PCDHGA3: variants seen among roughly 807,000 people sequenced by gnomAD.
The protein encoded by PCDHGA3 is protocadherin gamma subfamily A, 3.
PCDHGA3 carries 40 observed loss-of-function variants against 58.5 expected under a neutral mutation model. The observed-to-expected ratio is 0.68, with a 90% CI of 0.53 to 0.89. PCDHGA3 has a LOEUF of 0.89. Ranked by LOEUF, PCDHGA3 falls within the 40% of genes least tolerant of loss-of-function variation. The pLI, the probability that PCDHGA3 is intolerant of heterozygous loss-of-function variation, is 0.00. For missense variants in PCDHGA3, 1,223 were observed against 1,195.9 expected (o/e 1.02, Z -0.33); for synonymous variants, 530 against 525.7 (o/e 1.01, Z -0.11).
At position 141,403,374 on chromosome 5, in the gene PCDHGA3, A is replaced by G. The variant is rs1448394920; in HGVS notation, c.2424+56917A>G. 3.1e-6 allele frequency: 5 copies of G among 1,613,936 alleles called. No individual in the cohort carries two copies. The African/African-American group carries it at 6.7e-5, about 22-fold the overall frequency. ...TTCCAGGCCGAAAGTCTGGAAGTAA[A>G]AATTAACGAAATCGCGGTTCCTGGA... On this transcript the variant is annotated intron_variant, in intron 1 of 3. Transcript: ENST00000253812.
intron 1 of PCDHGA3, chr5:141,393,441 C>G: frequency 6.2e-7 from 1 of 1,614,070 alleles, no homozygotes; most frequent in African/African-American, 1.3e-5. Flanking sequence ...TGCTCACCAC[C>G]TGGTCCTCAC....
intron 1 of PCDHGA3, among the ~76,000 whole-genome samples, chr5:141,488,697 A>T (rs1337725245): frequency 6.6e-6 from 1 of 152,162 alleles, no homozygotes; most frequent in Non-Finnish European, 1.5e-5. Context: ...GAAGGACAAG[A>T]TTTTGCTGGT....
rs529957472 is a variant in PCDHGA3, at chr5:141,345,854, C to T, written c.1821C>T (p.Arg607=). 1.1e-5 allele frequency: 18 copies of T among 1,613,390 alleles called. No homozygotes were observed. Among genetic ancestry groups the T allele is most frequent in the Middle Eastern group, 1.7e-4 (1 of 5,764 alleles). The change falls in exon 1 of 4, where the codon CGC becomes CGT. Residue 607 remains arginine, a synonymous_variant. Transcript: ENST00000253812. The part of the protein sequence containing the change: ...DSGQNAWLSY[R]LLKASEPGLF... ...GCCAGAACGCCTGGCTGTCCTACCG[C>T]CTGCTCAAGGCCAGCGAGCCGGGAC...
rs769796337 is a variant in PCDHGA3 at position 141,352,074 on chromosome 5, T to C, written c.2424+5617T>C. ...AACGCTTGGCTGTCCTACCACGTGC[T>C]GCAGGCCAGCGAGCCCGGGCTCTTC... On this transcript the variant is annotated intron_variant, in intron 1 of 3. Transcript: ENST00000253812. The C allele has an allele frequency of 1.1e-4, 169 of 1,605,162 alleles. No homozygotes were observed. Among genetic ancestry groups the C allele is most frequent in the Non-Finnish European group, 1.4e-4 (166 of 1,176,758 alleles).
chr5:141,351,266 G>A (rs1222995612), intron 1 of PCDHGA3: 26 of 1,613,812 alleles, frequency 1.6e-5, no homozygotes, highest in Non-Finnish European at 2.0e-5. Flanking sequence ...AATTGTTGAC[G>A]AGAATGACAA....
At chr5:141,427,115 C>G (rs1276437779) in intron 1 of PCDHGA3, 5 of 457,520 alleles carry the variant, frequency 1.1e-5, no homozygotes, top group African/African-American at 1.0e-4. Flanking sequence ...AGATCACCTA[C>G]TCTTTCAAAT....
Position 141,352,519 on chromosome 5 carries a change from C to A in PCDHGA3, c.2424+6062C>A, listed in dbSNP as rs1338121700. 1.9e-6 allele frequency: 3 copies of A among 1,613,892 alleles called. No individual in the cohort carries two copies. The African/African-American group carries it at 4.0e-5, about 22-fold the overall frequency. ...CCTATTCCTACAATCTATGTATTGCCTCTCATTCTGCAAAGACAGAGTTTA... is the reference window on the plus strand; with the variant it reads ...CCTATTCCTACAATCTATGTATTGCATCTCATTCTGCAAAGACAGAGTTTA... On this transcript the variant is annotated intron_variant, in intron 1 of 3. Coordinates refer to ENST00000253812, the MANE Select transcript of PCDHGA3 (RefSeq NM_018916.4).
intron 1 of PCDHGA3, chr5:141,422,094 T>C: frequency 1.2e-6 from 2 of 1,610,648 alleles, no homozygotes; most frequent in Non-Finnish European, 1.7e-6. Flanking sequence ...AAAGCAAGGC[T>C]TCTGAAATAT....
chr5:141,474,180 A>G (rs763042503), intron 1 of PCDHGA3, among the ~76,000 whole-genome samples: 4 of 152,240 alleles, frequency 2.6e-5, no homozygotes, highest in Non-Finnish European at 4.4e-5. Context: ...TGAGAAAACT[A>G]CTTACATTTT....
intron 1 of PCDHGA3, chr5:141,408,119 C>T (rs1271219465): frequency 6.8e-7 from 1 of 1,474,944 alleles, no homozygotes; most frequent in African/African-American, 1.4e-5. Flanking sequence ...CTCCTCCTGT[C>T]CTGGGCCGAA....
At chr5:141,438,018 G>A (rs959672278) in intron 1 of PCDHGA3, among the ~76,000 whole-genome samples, 1 of 152,082 alleles carries the variant, frequency 6.6e-6, no homozygotes, top group African/African-American at 2.4e-5. Context: ...TGAGATTACA[G>A]GTGTGAGCCA....
chr5:141,384,638 G>T (rs1003169745), intron 1 of PCDHGA3: 38 of 1,614,070 alleles, frequency 2.4e-5, no homozygotes, highest in Non-Finnish European at 2.6e-5. Context: ...CTGGCACCCC[G>T]CTCCGCAGAG....
rs191165530 is a variant in PCDHGA3 at position 141,439,134 on chromosome 5, A to T, written c.2425-55673A>T. On this transcript the variant is annotated intron_variant, in intron 1 of 3. Coordinates refer to ENST00000253812, the MANE Select transcript of PCDHGA3 (RefSeq NM_018916.4). The stretch of plus-strand genomic sequence containing the variant: ...CTTGAACCCGGGAGACAGAGGTTGC[A>T]GTGAGCTGAGATCACGCCACTGCAC... Among the ~76,000 whole-genome samples the T allele has an allele frequency of 2.4e-3, 368 of 151,344 alleles. 1 individual carries two copies. Among genetic ancestry groups the T allele is most frequent in the African/African-American group, 8.5e-3 (349 of 41,216 alleles).
At chr5:141,399,681 C>G (rs2093865042) in intron 1 of PCDHGA3, 1 of 1,613,408 alleles carries the variant, frequency 6.2e-7, no homozygotes, top group South Asian at 1.1e-5. Flanking sequence ...CCTTTGACTA[C>G]GAGCAGCTGC....
intron 1 of PCDHGA3, chr5:141,378,924 G>T (rs1426450881): frequency 6.6e-6 from 1 of 152,202 alleles, no homozygotes; most frequent in Non-Finnish European, 1.5e-5. Flanking sequence ...TCAAAAGTAA[G>T]TTGATGGCCC....
chr5:141,371,704 C>A, intron 1 of PCDHGA3: 1 of 1,614,030 alleles, frequency 6.2e-7, no homozygotes, highest in Non-Finnish European at 8.5e-7. Context: ...TCCAGCAAGA[C>A]CATCACTCTG....
intron 1 of PCDHGA3, chr5:141,374,529 C>G: frequency 6.2e-7 from 1 of 1,613,042 alleles, no homozygotes; most frequent in East Asian, 2.2e-5. Flanking sequence ...GCAGCTCCAT[C>G]CTCTCGTTTT....
At chr5:141,365,641 C>T (rs367688670) in intron 1 of PCDHGA3, 1 of 1,613,596 alleles carries the variant, frequency 6.2e-7, no homozygotes, top group African/African-American at 1.3e-5. Context: ...CAGAAAGCCA[C>T]ATCCCCTTGA....
chr5:141,364,809 C>G, intron 1 of PCDHGA3: 23 of 1,613,952 alleles, frequency 1.4e-5, no homozygotes, highest in Non-Finnish European at 1.9e-5. Flanking sequence ...GCGCGGGATG[C>G]GGATGTGGGT....
Sources: allele counts gnomAD v4.1 joint callset (sites outside exome capture counted in the v4.1 genomes callset), GRCh38; gene constraint gnomAD v4.1.1; transcripts MANE v1.5; gene names NCBI Gene and HGNC (gene_info 2026-07-23, HGNC 2026-07-21).